Variants in ST6GALNAC5 observed in about 807,000 individuals in gnomAD.
ST6GALNAC5 encodes ST6 N-acetylgalactosaminide alpha-2,6-sialyltransferase 5.
A neutral mutation model predicts 33.6 loss-of-function variants in ST6GALNAC5; 27 were observed. The ratio of observed to expected loss-of-function variants is 0.80; its 90% CI spans 0.59 to 1.11. The LOEUF (loss-of-function observed/expected upper bound fraction) is 1.11. Among genes scored for constraint, ST6GALNAC5 ranks in the 50% least tolerant of loss-of-function variants. ST6GALNAC5 has a pLI of 0.00. For synonymous variants in ST6GALNAC5, 194 were observed against 171.2 expected (o/e 1.13, Z -1.04); for missense variants, 428 against 454.0 (o/e 0.94, Z 0.52).
At chr1:76,884,366 C>G (rs765822019) in intron 2 of ST6GALNAC5, among the ~76,000 whole-genome samples, 3 of 152,154 alleles carry the variant, frequency 2.0e-5, no homozygotes, top group Non-Finnish European at 4.4e-5. Context: ...TTGAGCAAAA[C>G]AGTAGTGTTA....
chr1:77,041,265 G>T (rs188075811), intron 2 of ST6GALNAC5, among the ~76,000 whole-genome samples: 1 of 152,062 alleles, frequency 6.6e-6, no homozygotes, highest in East Asian at 1.9e-4. Flanking sequence ...CTCATCTTTG[G>T]TCCCATGGTC....
intron 2 of ST6GALNAC5, among the ~76,000 whole-genome samples, chr1:76,894,839 C>G (rs540770056): frequency 1.3e-5 from 2 of 152,130 alleles, no homozygotes; most frequent in African/African-American, 4.8e-5. Flanking sequence ...GAAGAGACCA[C>G]CAAACAGGTT....
chr1:76,916,668 G>A (rs74092218), intron 2 of ST6GALNAC5, among the ~76,000 whole-genome samples: 5,556 of 151,762 alleles, frequency 0.037, 353 homozygotes, highest in African/African-American at 0.13. Context: ...TTAATGCTCC[G>A]TTTAAAATCT....
At chr1:77,050,176 T>C in intron 3 of ST6GALNAC5, 82 bp from the exon 4 acceptor site, 1 of 1,178,322 alleles carries the variant, frequency 8.5e-7, no homozygotes, top group Non-Finnish European at 1.3e-6. Context: ...ATAGTTAGCC[T>C]TACTCTAGGA....
intron 2 of ST6GALNAC5, among the ~76,000 whole-genome samples, chr1:76,916,798 G>T (rs558278656): frequency 6.6e-6 from 1 of 152,006 alleles, no homozygotes; most frequent in Admixed American, 6.6e-5. Context: ...ATGTTACCAT[G>T]GCTATGGCTT....
At chr1:77,060,009 G>A (rs775124523) in intron 4 of ST6GALNAC5, 4 of 152,116 alleles carry the variant, frequency 2.6e-5, no homozygotes, top group Admixed American at 2.0e-4. Context: ...GTCATCCGAA[G>A]CAGAGTCTAT....
At chr1:76,953,060 C>T (rs974197253) in intron 2 of ST6GALNAC5, among the ~76,000 whole-genome samples, 1 of 152,112 alleles carries the variant, frequency 6.6e-6, no homozygotes, top group African/African-American at 2.4e-5. Flanking sequence ...TGCAGATAAA[C>T]CAGAATTTGT....
chr1:76,891,499 A>C (rs1011239456), intron 2 of ST6GALNAC5, among the ~76,000 whole-genome samples: 1 of 152,114 alleles, frequency 6.6e-6, no homozygotes, highest in African/African-American at 2.4e-5. Flanking sequence ...TATAAAATAC[A>C]TGATTTGCAA....
At chr1:76,867,728 G>T (rs1163542481) in intron 1 of ST6GALNAC5, 38 bp downstream of exon 1, 1 of 1,613,972 alleles carries the variant, frequency 6.2e-7, no homozygotes, top group East Asian at 2.2e-5. Flanking sequence ...GCAAAGAGGG[G>T]GATCCCCGGG....
intron 2 of ST6GALNAC5, among the ~76,000 whole-genome samples, chr1:77,021,180 A>T (rs74090583): frequency 0.024 from 3,580 of 152,310 alleles, 143 homozygotes; most frequent in African/African-American, 0.082. Flanking sequence ...AGTCTTTTTT[A>T]AAAAAGTAGT....
intron 2 of ST6GALNAC5, among the ~76,000 whole-genome samples, chr1:76,997,900 G>A (rs1649996500): frequency 6.6e-6 from 1 of 152,132 alleles, no homozygotes; most frequent in Admixed American, 6.5e-5. Flanking sequence ...TGTGTTAAGA[G>A]CGAGACCAGG....
At chr1:77,032,987 CT>C (rs1449163056) in intron 2 of ST6GALNAC5, among the ~76,000 whole-genome samples, 5 of 152,194 alleles carry the variant, frequency 3.3e-5, no homozygotes, top group Non-Finnish European at 5.9e-5. Flanking sequence ...TCACCTCACT[CT>C]AATGAAAATG....
intron 2 of ST6GALNAC5, among the ~76,000 whole-genome samples, chr1:76,884,517 T>A (rs1653850482): frequency 1.3e-5 from 2 of 152,118 alleles, no homozygotes; most frequent in Admixed American, 1.3e-4. Flanking sequence ...TATGTAAAAG[T>A]GCCGCAGGAA....
chr1:76,953,711 T>C (rs1250305096), intron 2 of ST6GALNAC5, among the ~76,000 whole-genome samples: 1 of 152,148 alleles, frequency 6.6e-6, no homozygotes, highest in Non-Finnish European at 1.5e-5. Context: ...GTGTCATGTC[T>C]AAGAACTCTT....
In ST6GALNAC5 at chr1:77,063,023, A is replaced by G. The variant is rs1210930377; in HGVS notation, c.828A>G (p.Gly276=). 6 of 1,613,776 alleles carry G rather than the reference A, an allele frequency of 3.7e-6. No individual in the cohort carries two copies. In the Admixed American group the frequency reaches 8.3e-5, roughly 22 times the overall value. Residue 276 remains glycine, a synonymous_variant, in exon 5 of 5, where the codon GGA becomes GGG. Coordinates refer to ENST00000477717, the MANE Select transcript of ST6GALNAC5 (RefSeq NM_030965.3). The part of the protein sequence containing the change: ...SVPYHYYEPF[G]PDECTMYLSH... ...CTTATCATTATTATGAACCTTTTGG[A>G]CCTGATGAATGTACAATGTACCTCT... is the stretch of plus-strand genomic sequence containing the variant.
At chr1:77,025,192 A>C (rs1296632293) in intron 2 of ST6GALNAC5, among the ~76,000 whole-genome samples, 2 of 152,168 alleles carry the variant, frequency 1.3e-5, no homozygotes, top group Non-Finnish European at 2.9e-5. Context: ...CGTGGACACA[A>C]TTTACTTTGT....
chr1:76,999,062 T>C (rs1650043839), intron 2 of ST6GALNAC5, among the ~76,000 whole-genome samples: 1 of 152,174 alleles, frequency 6.6e-6, no homozygotes, highest in Non-Finnish European at 1.5e-5. Flanking sequence ...CTTGTTCCAA[T>C]ACTGTAGGAA....
At chr1:76,958,232 G>A (rs992909115) in intron 2 of ST6GALNAC5, among the ~76,000 whole-genome samples, 10 of 152,056 alleles carry the variant, frequency 6.6e-5, no homozygotes, top group Admixed American at 5.2e-4. Context: ...TTCAACTCTC[G>A]CTTCACATCG....
intron 2 of ST6GALNAC5, among the ~76,000 whole-genome samples, chr1:77,011,286 G>A (rs907257174): frequency 1.4e-4 from 22 of 152,096 alleles, no homozygotes; most frequent in African/African-American, 4.8e-4. Context: ...TTGGTGCCTC[G>A]GGCCTGTACA....
Sources: allele counts gnomAD v4.1 joint callset (sites outside exome capture counted in the v4.1 genomes callset), GRCh38; gene constraint gnomAD v4.1.1; transcripts MANE v1.5; gene names NCBI Gene and HGNC (gene_info 2026-07-23, HGNC 2026-07-21).